Variants in SLC5A4 observed in about 807,000 individuals in gnomAD.
SLC5A4 encodes probable glucose sensor protein SLC5A4.
SLC5A4 carries 55 observed loss-of-function variants against 70.3 expected under a neutral mutation model. That is an observed-to-expected ratio of 0.78 (90% CI 0.63 to 0.98). SLC5A4 has a LOEUF of 0.98. Among genes scored for constraint, SLC5A4 ranks in the 50% least tolerant of loss-of-function variants. The pLI, the probability that SLC5A4 is intolerant of heterozygous loss-of-function variation, is 0.00. For synonymous variants in SLC5A4, 268 were observed against 305.7 expected (o/e 0.88, Z 1.29); for missense variants, 735 against 839.2 (o/e 0.88, Z 1.53).
the SLC5A4 span, among the ~76,000 whole-genome samples, chr22:32,306,978 A>G: frequency 6.0e-4 from 92 of 152,228 alleles, 3 homozygotes; most frequent in South Asian, 0.017. Flanking sequence ...ATAGTTTTTG[A>G]TTCTGTGCTC....
the SLC5A4 span, chr22:32,271,449 C>T: frequency 1.3e-6 from 1 of 762,710 alleles, no homozygotes. Context: ...CGACTCTCGG[C>T]TCAGCCAGGG....
chr22:32,320,323 T>C, the SLC5A4 span, among the ~76,000 whole-genome samples: 1 of 152,158 alleles, frequency 6.6e-6, no homozygotes, highest in African/African-American at 2.4e-5. Context: ...ATGCCTACGG[T>C]ACAGATGCCC....
the SLC5A4 span, among the ~76,000 whole-genome samples, chr22:32,305,738 C>CACGTA: frequency 7.7e-6 from 1 of 129,738 alleles, no homozygotes; most frequent in Admixed American, 9.3e-5. Context: ...AAGGTGGTTA[C>CACGTA]TCTGTCCCCT....
chr22:32,250,865 C>A (rs7292337), intron 3 of SLC5A4, among the ~76,000 whole-genome samples: 5,517 of 151,948 alleles, frequency 0.036, 117 homozygotes, highest in South Asian at 0.053. Flanking sequence ...AACAGGAAAT[C>A]AAACACCACA....
chr22:32,320,446 G>A, the SLC5A4 span, among the ~76,000 whole-genome samples: 2,709 of 152,268 alleles, frequency 0.018, 77 homozygotes, highest in African/African-American at 0.062. Context: ...CAGAAGATTA[G>A]GATCAGTGAA....
chr22:32,262,046 T>C, the SLC5A4 span, among the ~76,000 whole-genome samples: 1 of 152,266 alleles, frequency 6.6e-6, no homozygotes, highest in Admixed American at 6.5e-5. Flanking sequence ...TGCATATACA[T>C]CACATTTGCT....
At chr22:32,299,993 G>T in the SLC5A4 span, among the ~76,000 whole-genome samples, 1 of 133,674 alleles carries the variant, frequency 7.5e-6, no homozygotes, top group Admixed American at 7.8e-5. Flanking sequence ...GGACCCACTT[G>T]AGGAGGCAGT....
the SLC5A4 span, among the ~76,000 whole-genome samples, chr22:32,348,124 C>T: frequency 0.15 from 23,040 of 152,170 alleles, 2,164 homozygotes; most frequent in East Asian, 0.48. Flanking sequence ...ACATGGGCTT[C>T]TGTGACTTAG....
chr22:32,260,384 GA>G, the SLC5A4 span, among the ~76,000 whole-genome samples: 1 of 152,032 alleles, frequency 6.6e-6, no homozygotes, highest in Non-Finnish European at 1.5e-5. Flanking sequence ...TCACTTTAGA[GA>G]AAAGATTGTA....
chr22:32,268,698 C>T, the SLC5A4 span: 1 of 152,172 alleles, frequency 6.6e-6, no homozygotes, highest in Middle Eastern at 3.4e-3. Context: ...ATATTTATGC[C>T]CCCAAACCAT....
chr22:32,302,265 G>GTT, the SLC5A4 span, among the ~76,000 whole-genome samples: 1 of 138,666 alleles, frequency 7.2e-6, no homozygotes. Context: ...TTTTTTTTGT[G>GTT]TCTAGCTACT....
intron 3 of SLC5A4, among the ~76,000 whole-genome samples, chr22:32,249,315 TAGAG>T (rs1182103739): frequency 6.6e-6 from 1 of 152,142 alleles, no homozygotes; most frequent in African/African-American, 2.4e-5. Context: ...ATTCTTATCT[TAGAG>T]AGGGGGAACT....
chr22:32,345,009 G>A, the SLC5A4 span, among the ~76,000 whole-genome samples: 2 of 152,118 alleles, frequency 1.3e-5, no homozygotes, highest in Admixed American at 6.6e-5. Flanking sequence ...TACTTTAGTA[G>A]CTAGGACTAA....
At chr22:32,297,222 G>A in the SLC5A4 span, among the ~76,000 whole-genome samples, 1 of 149,842 alleles carries the variant, frequency 6.7e-6, no homozygotes, top group Non-Finnish European at 1.5e-5. Flanking sequence ...AGTTTCAGAA[G>A]GAATGGTACC....
At chr22:32,285,595 G>C in the SLC5A4 span, among the ~76,000 whole-genome samples, 11 of 151,968 alleles carry the variant, frequency 7.2e-5, no homozygotes, top group Admixed American at 7.2e-4. Context: ...CGGGTATCTG[G>C]TCTTGGTTAG....
Position 32,225,805 on chromosome 22 carries a change from T to A in SLC5A4, c.1299A>T (p.Leu433Phe), listed in dbSNP as rs1365321194. ...GGACCCACACAATGCTCACAACAGT[T>A]AATAGAAGAACAAATATCCTGAGAA... is the stretch of plus-strand genomic sequence containing the variant. ...LIAGRIFVLL[L>F]TVVSIVWVPL... Residue 433 changes from leucine to phenylalanine, a missense_variant, in exon 12 of 15, where the codon TTA becomes TTT. Transcript: ENST00000266086. 4 of 1,603,674 alleles carry A rather than the reference T, an allele frequency of 2.5e-6. No individual in the cohort carries two copies. The African/African-American group carries it at 4.0e-5, about 16-fold the overall frequency.
At chr22:32,298,855 G>A in the SLC5A4 span, among the ~76,000 whole-genome samples, 25 of 110,788 alleles carry the variant, frequency 2.3e-4, 2 homozygotes, top group African/African-American at 8.0e-4. Flanking sequence ...GCCTGGTGGT[G>A]ACAAAATCTC....
the SLC5A4 span, among the ~76,000 whole-genome samples, chr22:32,305,027 T>C: frequency 6.6e-6 from 1 of 152,240 alleles, no homozygotes; most frequent in East Asian, 1.9e-4. Context: ...CAAAGATCAG[T>C]TGACTATTTT....
At chr22:32,297,390 A>T in the SLC5A4 span, among the ~76,000 whole-genome samples, 2 of 151,610 alleles carry the variant, frequency 1.3e-5, no homozygotes, top group Admixed American at 1.3e-4. Context: ...GGGAGAGTGT[A>T]CGTGTCCAGG....
Sources: gnomAD v4.1 joint callset for allele counts (sites outside exome capture counted in the v4.1 genomes callset) on GRCh38, gnomAD v4.1.1 for gene constraint, MANE v1.5 for transcripts, NCBI Gene and HGNC (gene_info 2026-07-23, HGNC 2026-07-21) for gene names.